ATP1A3: variants seen among roughly 807,000 people sequenced by gnomAD.
The protein encoded by ATP1A3 is ATPase Na+/K+ transporting subunit alpha 3.
In ATP1A3, 12 loss-of-function variants were observed where a neutral mutation model predicts 108.8. The ratio of observed to expected loss-of-function variants is 0.11; its 90% CI spans 0.07 to 0.18. ATP1A3 has a LOEUF of 0.18. Ranked by LOEUF, ATP1A3 falls within the 10% of genes least tolerant of loss-of-function variation. The pLI is 1.00. For synonymous variants in ATP1A3, 539 were observed against 564.5 expected (o/e 0.95, Z 0.64); for missense variants, 498 against 1,387.7 (o/e 0.36, Z 10.19).
chr19:41,982,562 G>T (rs1163278620), intron 8 of ATP1A3, among the ~76,000 whole-genome samples: 5 of 151,774 alleles, frequency 3.3e-5, no homozygotes, highest in Non-Finnish European at 7.4e-5. Context: ...GGAGGTGGAG[G>T]TTGCAGTGAT....
chr19:41,980,812 G>A (rs1555863050), intron 11 of ATP1A3, among the ~76,000 whole-genome samples: 1 of 152,026 alleles, frequency 6.6e-6, no homozygotes. Context: ...TCTGGAGGCT[G>A]AGGCAGGAGA....
At position 41,966,885 on chromosome 19, in the gene ATP1A3, G is replaced by T; in HGVS notation, c.*52C>A. The T allele has an allele frequency of 1.3e-6, 2 of 1,550,766 alleles. No individual in the cohort carries two copies. On this transcript the variant is annotated 3_prime_UTR_variant, in exon 23 of 23. Transcript: ENST00000648268. ...CAAAATTGGGGGGACTGACAGGGGC[G>T]GTCCTGGGCCTGGGGGACGGGGAAG...
chr19:41,973,255 T>A (rs1346106344), intron 16 of ATP1A3, among the ~76,000 whole-genome samples: 1 of 152,060 alleles, frequency 6.6e-6, no homozygotes, highest in Non-Finnish European at 1.5e-5. Flanking sequence ...GGAAGTTATT[T>A]TGTTTGTTTG....
chr19:41,993,190 G>A, intron 1 of ATP1A3: 3 of 105,094 alleles, frequency 2.9e-5, no homozygotes, highest in South Asian at 1.7e-4. Context: ...CCTCCCTTCA[G>A]CCCCGCCCCA....
Position 41,967,447 on chromosome 19 carries a change from C to T in ATP1A3, c.2922-107G>A. 1 of 1,361,790 alleles carries T rather than the reference C, an allele frequency of 7.3e-7. No individual in the cohort carries two copies. The highest frequency in any genetic ancestry group is 1.0e-6 in the Non-Finnish European group (1 of 990,620). The allele number at this position is 1,361,790 out of a possible 1,614,324, so 84.4% of individuals were successfully genotyped here. A position where few individuals can be genotyped will look rare whatever the true frequency, so the allele number is the denominator to read the frequency against. On this transcript the variant is annotated intron_variant, in intron 21 of 22. Coordinates refer to ENST00000648268, the MANE Select transcript of ATP1A3 (RefSeq NM_152296.5). The surrounding 1 kb of genome is among the most constrained non-coding windows in gnomAD (Gnocchi z 4.2). ...GGGCAGTCTCCCAGGATCCTTCGTG[C>T]TCACAGGTGGAGGGTGCCCTGGGCG...
At chr19:41,976,276 GC>G in intron 15 of ATP1A3, 139 bp downstream of exon 15, 1 of 1,221,424 alleles carries the variant, frequency 8.2e-7, no homozygotes. Context: ...AGGAGTCCAG[GC>G]CCCCAGACCC....
At chr19:41,973,440 T>C (rs1227515111) in intron 16 of ATP1A3, among the ~76,000 whole-genome samples, 4 of 152,096 alleles carry the variant, frequency 2.6e-5, no homozygotes, top group Non-Finnish European at 4.4e-5. Flanking sequence ...AATTTTTTGA[T>C]CTTTGAGGTC....
Position 41,978,600 on chromosome 19 carries a change from T to C in ATP1A3, c.1630+6A>G, listed in dbSNP as rs1555862286. On this transcript the variant is annotated splice_donor_region_variant and intron_variant, in intron 12 of 22. Coordinates refer to ENST00000648268, the MANE Select transcript of ATP1A3 (RefSeq NM_152296.5). This position sits in a 1 kb window ranked among gnomAD's most constrained non-coding sequence, Gnocchi z 8.3. ...GGACCCCAGAGCCCGCCCGGCAGCC[T>C]CGCACCAAGCACGCGCTCGCCCAGG... is the stretch of plus-strand genomic sequence containing the variant. The C allele has an allele frequency of 3.1e-6, 5 of 1,612,798 alleles. No homozygotes were observed. The highest frequency in any genetic ancestry group is 3.4e-6 in the Non-Finnish European group (4 of 1,179,948).
At chr19:41,970,626 CTTTTTTTTTT>C (rs1168002399) in intron 16 of ATP1A3, 84 bp from the exon 17 acceptor site, 72 of 771,298 alleles carry the variant, frequency 9.3e-5, no homozygotes, top group African/African-American at 8.9e-4. Context: ...ATCCAACGTC[CTTTTTTTTTT>C]TTTTTTTTTT....
chr19:41,969,800 T>G (rs1555859364), intron 18 of ATP1A3, among the ~76,000 whole-genome samples: 1 of 152,164 alleles, frequency 6.6e-6, no homozygotes, highest in African/African-American at 2.4e-5. Flanking sequence ...GAGAGAGGGC[T>G]CTCCCAGAGG....
chr19:41,989,593 A>G (rs1449183757), intron 1 of ATP1A3, among the ~76,000 whole-genome samples: 1 of 152,090 alleles, frequency 6.6e-6, no homozygotes, highest in African/African-American at 2.4e-5. Context: ...TGCTGGGATT[A>G]CAGGCGTGAG....
At chr19:41,973,967 A>G (rs2075139759) in intron 16 of ATP1A3, among the ~76,000 whole-genome samples, 1 of 152,080 alleles carries the variant, frequency 6.6e-6, no homozygotes, top group Admixed American at 6.5e-5. Context: ...GAGGTGGCTC[A>G]CCCCTGCAAT....
intron 18 of ATP1A3, among the ~76,000 whole-genome samples, chr19:41,969,820 G>A (rs1199813623): frequency 6.6e-6 from 1 of 152,230 alleles, no homozygotes; most frequent in East Asian, 1.9e-4. Flanking sequence ...GGATAACCTG[G>A]AGCCCCTCTC....
At chr19:41,990,489 CT>C (rs2075326990) in intron 1 of ATP1A3, among the ~76,000 whole-genome samples, 1 of 130,272 alleles carries the variant, frequency 7.7e-6, no homozygotes, top group Non-Finnish European at 1.6e-5. Context: ...ATCTCTCATT[CT>C]CTTTCTCTCT....
chr19:41,988,597 C>A lies in ATP1A3; in HGVS notation c.7-35G>T, dbSNP rs782179918. On this transcript the variant is annotated intron_variant, in intron 1 of 22. Coordinates refer to ENST00000648268, the MANE Select transcript of ATP1A3 (RefSeq NM_152296.5). This position sits in a 1 kb window ranked among gnomAD's most constrained non-coding sequence, Gnocchi z 5.3. ...GGCGATACGATAGCTGTCAGAGCCACCAGACTGCGGGCGAGAAGGGGTTCC... is the reference window on the plus strand; with the variant it reads ...GGCGATACGATAGCTGTCAGAGCCAACAGACTGCGGGCGAGAAGGGGTTCC... 2.5e-6 allele frequency: 4 copies of A among 1,614,118 alleles called. No individual in the cohort carries two copies. Among genetic ancestry groups the A allele is most frequent in the South Asian group, 1.1e-5 (1 of 91,076 alleles).
At position 41,969,366 on chromosome 19, in the gene ATP1A3, T is replaced by C. The variant is rs992860108; in HGVS notation, c.2688+69A>G. On this transcript the variant is annotated intron_variant, in intron 19 of 22. Coordinates refer to ENST00000648268, the MANE Select transcript of ATP1A3 (RefSeq NM_152296.5). Reference sequence around the variant, plus strand: ...AGGGGGCCATCGTAGGAAGTGGCCATGCATGGCTGGAACAGCTCACCCCGG... The same window carrying C: ...AGGGGGCCATCGTAGGAAGTGGCCACGCATGGCTGGAACAGCTCACCCCGG... 7 of 1,611,028 alleles carry C rather than the reference T, an allele frequency of 4.3e-6. No individual in the cohort carries two copies. The South Asian group carries it at 6.6e-5, about 15-fold the overall frequency.
chr19:41,985,340 C>A lies in ATP1A3; in HGVS notation c.690G>T (p.Arg230=). 6.2e-7 allele frequency: 1 copy of A among 1,614,208 alleles called. No individual in the cohort carries two copies. The change falls in exon 7 of 23, where the codon CGG becomes CGT. Residue 230 remains arginine, a synonymous_variant. Coordinates refer to ENST00000648268, the MANE Select transcript of ATP1A3 (RefSeq NM_152296.5). This position sits in a 1 kb window ranked among gnomAD's most constrained non-coding sequence, Gnocchi z 8.2. ...AGTTGGTGGAAAAGAAGGTGATGTTCCGAGTCTCCAAGGGGTTGTCGTGAG... is the reference window on the plus strand; with the variant it reads ...AGTTGGTGGAAAAGAAGGTGATGTTACGAGTCTCCAAGGGGTTGTCGTGAG... ...DCTHDNPLET[R]NITFFSTNCV...
chr19:41,981,378 C>T lies in ATP1A3; in HGVS notation c.1437+124G>A. The T allele has an allele frequency of 6.8e-7, 1 of 1,474,914 alleles. No homozygotes were observed. Among genetic ancestry groups the T allele is most frequent in the Non-Finnish European group, 9.4e-7 (1 of 1,062,776 alleles). The allele number at this position is 1,474,914 out of a possible 1,614,324, so 91.4% of individuals were successfully genotyped here. On this transcript the variant is annotated intron_variant, in intron 11 of 22. Transcript: ENST00000648268. The surrounding 1 kb of genome is among the most constrained non-coding windows in gnomAD (Gnocchi z 5.0). The stretch of plus-strand genomic sequence containing the variant: ...CTCTCAAGCTCTCCCTGTTCCTCTC[C>T]CCACCAGGCGGGTATTATCATTCCC...
chr19:41,969,036 G>T, intron 19 of ATP1A3, 121 bp from the exon 20 acceptor site: 1 of 1,452,808 alleles, frequency 6.9e-7, no homozygotes. Flanking sequence ...CAGGGCCTCA[G>T]GTGTGTCTTC....
Sources: allele counts gnomAD v4.1 joint callset (sites outside exome capture counted in the v4.1 genomes callset), GRCh38; gene constraint gnomAD v4.1.1; non-coding constraint Gnocchi (gnomAD v3.1); transcripts MANE v1.5; gene names NCBI Gene and HGNC (gene_info 2026-07-23, HGNC 2026-07-21).